Variants in SHROOM3 observed in about 807,000 individuals in gnomAD.
SHROOM3 encodes the protein shroom family member 3.
A neutral mutation model predicts 138.6 loss-of-function variants in SHROOM3; 47 were observed. That is an observed-to-expected ratio of 0.34 (90% CI 0.27 to 0.43). SHROOM3 has a LOEUF of 0.43. Ranked by LOEUF, SHROOM3 falls within the 20% of genes least tolerant of loss-of-function variation. The pLI is 1.00. For missense variants in SHROOM3, 2,491 were observed against 2,596.5 expected (o/e 0.96, Z 0.88); for synonymous variants, 1,062 against 1,063.3 (o/e 1.00, Z 0.02).
chr4:76,772,772 G>C (rs887401392), intron 10 of SHROOM3, among the ~76,000 whole-genome samples: 3 of 152,188 alleles, frequency 2.0e-5, no homozygotes, highest in Non-Finnish European at 4.4e-5. Context: ...TGCTCTCCAG[G>C]AACTCACAAC....
chr4:76,492,541 A>G (rs1488275095), intron 1 of SHROOM3, among the ~76,000 whole-genome samples: 1 of 152,174 alleles, frequency 6.6e-6, no homozygotes, highest in South Asian at 2.1e-4. Flanking sequence ...CTGATTCCTG[A>G]AGCTTGGGGT....
At position 76,700,275 on chromosome 4, in the gene SHROOM3, G is replaced by A. The variant is rs992487340; in HGVS notation, c.324-9881G>A. ...GTCTGTTTCCTCATGAATAAAGTAGGGACTAATAGCAGAAAGTCACCTGCC... is the reference window on the plus strand; with the variant it reads ...GTCTGTTTCCTCATGAATAAAGTAGAGACTAATAGCAGAAAGTCACCTGCC... On this transcript the variant is annotated intron_variant, in intron 2 of 10. Transcript: ENST00000296043. Among the ~76,000 whole-genome samples, 26 of 152,240 alleles carry A rather than the reference G, an allele frequency of 1.7e-4. 1 individual carries two copies. In the South Asian group the frequency reaches 2.9e-3, roughly 17 times the overall value.
intron 1 of SHROOM3, among the ~76,000 whole-genome samples, chr4:76,484,012 G>A (rs1456258756): frequency 2.0e-5 from 3 of 152,044 alleles, no homozygotes; most frequent in Non-Finnish European, 4.4e-5. Flanking sequence ...GGCTAGGGGA[G>A]GGATAGCATT....
chr4:76,770,345 A>C (rs1040717392), intron 9 of SHROOM3, among the ~76,000 whole-genome samples: 6 of 148,008 alleles, frequency 4.1e-5, no homozygotes, highest in South Asian at 4.2e-4. Context: ...AAAAAAAAAA[A>C]AAAAAACAGA....
intron 10 of SHROOM3, among the ~76,000 whole-genome samples, chr4:76,772,361 C>T (rs756265582): frequency 5.3e-5 from 8 of 152,266 alleles, no homozygotes; most frequent in South Asian, 4.2e-4. Flanking sequence ...GCCTTGGCCT[C>T]GCAAAGTGCT....
At chr4:76,763,354 T>G (rs943829070) in intron 9 of SHROOM3, among the ~76,000 whole-genome samples, 2 of 151,212 alleles carry the variant, frequency 1.3e-5, no homozygotes, top group East Asian at 1.9e-4. Flanking sequence ...GCCACTGCAC[T>G]CCAGACTGGG....
At chr4:76,482,042 A>C (rs1221820040) in intron 1 of SHROOM3, among the ~76,000 whole-genome samples, 1 of 152,210 alleles carries the variant, frequency 6.6e-6, no homozygotes, top group Non-Finnish European at 1.5e-5. Context: ...ACCCACAGCC[A>C]ATATCATACT....
chr4:76,660,085 T>C (rs1178037511), intron 2 of SHROOM3, among the ~76,000 whole-genome samples: 2 of 151,796 alleles, frequency 1.3e-5, no homozygotes, highest in Admixed American at 6.6e-5. Flanking sequence ...CACACGCACC[T>C]CTCTCACCCA....
At chr4:76,756,417 CTTTT>C in intron 7 of SHROOM3, 28 bp from the exon 8 acceptor site, 19 of 1,267,364 alleles carry the variant, frequency 1.5e-5, no homozygotes, top group Non-Finnish European at 1.8e-5. Context: ...CTCTCTCTCT[CTTTT>C]TTTTTTTTTT....
intron 1 of SHROOM3, among the ~76,000 whole-genome samples, chr4:76,544,406 G>GTTTT (rs1560540155): frequency 5.7e-4 from 55 of 95,986 alleles, no homozygotes; most frequent in Non-Finnish European, 9.0e-4. Flanking sequence ...TAGCTCAATG[G>GTTTT]CTTTTTTTTT....
chr4:76,727,781 G>T (rs866431880), intron 3 of SHROOM3, among the ~76,000 whole-genome samples: 6 of 150,754 alleles, frequency 4.0e-5, no homozygotes, highest in African/African-American at 1.5e-4. Context: ...CCAGCTACTT[G>T]GGAGGCTGAG....
chr4:76,582,658 A>C (rs1299024362), intron 2 of SHROOM3, among the ~76,000 whole-genome samples: 1 of 152,212 alleles, frequency 6.6e-6, no homozygotes, highest in Non-Finnish European at 1.5e-5. Flanking sequence ...CTTTGAGAGA[A>C]AAAAATGAAA....
chr4:76,550,919 G>T lies in SHROOM3; in HGVS notation c.169-4690G>T, dbSNP rs369376785. 2.0e-5 allele frequency among the ~76,000 whole-genome samples: 3 copies of T among 147,780 alleles called. No homozygotes were observed. In the East Asian group the frequency reaches 6.1e-4, roughly 30 times the overall value. On this transcript the variant is annotated intron_variant, in intron 1 of 10. Transcript: ENST00000296043. ...GAGGCTGAGGTGGGAGGATTGCTTG[G>T]GTCCAGGAGTTTGAGGCTACAGTGA...
intron 1 of SHROOM3, among the ~76,000 whole-genome samples, chr4:76,486,305 G>A (rs1731729663): frequency 6.6e-6 from 1 of 152,178 alleles, no homozygotes; most frequent in African/African-American, 2.4e-5. Context: ...AAAATGTGCA[G>A]ACAAAAGATT....
At chr4:76,515,689 AG>A (rs1732430231) in intron 1 of SHROOM3, among the ~76,000 whole-genome samples, 1 of 152,180 alleles carries the variant, frequency 6.6e-6, no homozygotes, top group South Asian at 2.1e-4. Context: ...AGTATCAGTC[AG>A]TGACCAGAGT....
In SHROOM3 at chr4:76,491,202, G is replaced by A. The variant is rs1416697239; in HGVS notation, c.168+54982G>A. ...CTTGAGACATGGGCACTGACCAGAT[G>A]TGGGAATTAGGGAAAGGAGGGAGTC... On this transcript the variant is annotated intron_variant, in intron 1 of 10. Coordinates refer to ENST00000296043, the MANE Select transcript of SHROOM3 (RefSeq NM_020859.4). 2.0e-5 allele frequency among the ~76,000 whole-genome samples: 3 copies of A among 152,206 alleles called. No homozygotes were observed. In the East Asian group the frequency reaches 5.8e-4, roughly 29 times the overall value.
intron 1 of SHROOM3, among the ~76,000 whole-genome samples, chr4:76,537,068 G>A (rs1189718010): frequency 1.3e-5 from 2 of 152,172 alleles, no homozygotes; most frequent in Admixed American, 6.5e-5. Context: ...AGCCGAGATC[G>A]CACCACTGTA....
intron 10 of SHROOM3, among the ~76,000 whole-genome samples, chr4:76,772,984 T>C (rs928464064): frequency 1.3e-5 from 2 of 152,150 alleles, no homozygotes; most frequent in East Asian, 1.9e-4. Flanking sequence ...AGAAATACCA[T>C]AGACAAAGTC....
chr4:76,519,851 G>A (rs1183179814), intron 1 of SHROOM3, among the ~76,000 whole-genome samples: 1 of 152,178 alleles, frequency 6.6e-6, no homozygotes, highest in East Asian at 1.9e-4. Flanking sequence ...GGGTGGAAAT[G>A]ATCAGGACAA....
Sources: gnomAD v4.1 joint callset for allele counts (sites outside exome capture counted in the v4.1 genomes callset) on GRCh38, gnomAD v4.1.1 for gene constraint, MANE v1.5 for transcripts, NCBI Gene and HGNC (gene_info 2026-07-23, HGNC 2026-07-21) for gene names.